The following ERG variants were observed in gnomAD, a reference collection of about 807,000 sequenced individuals.
ERG encodes the protein ETS transcription factor ERG.
In ERG, 9 loss-of-function variants were observed where a neutral mutation model predicts 55.3. The observed-to-expected ratio is 0.16, with a 90% CI of 0.10 to 0.28. The LOEUF is 0.28. ERG is among the 10% of genes least tolerant of loss of function. The probability of loss-of-function intolerance (pLI) is 1.00; values close to 1 mark genes in which losing one functional copy is unlikely to be tolerated. For synonymous variants in ERG, 223 were observed against 237.3 expected, an observed-to-expected ratio of 0.94 and a Z score of 0.55; for missense variants, 434 against 631.6, an observed-to-expected ratio of 0.69 and a Z score of 3.35.
intron 2 of ERG, among the ~76,000 whole-genome samples, chr21:38,554,539 G>A (rs1312035372): frequency 6.6e-6 from 1 of 152,134 alleles, no homozygotes; most frequent in Non-Finnish European, 1.5e-5. Context: ...AATGGAGCTG[G>A]AGGCCATTAT....
intron 1 of ERG, among the ~76,000 whole-genome samples, chr21:38,451,529 G>A (rs757794738): frequency 8.5e-5 from 13 of 152,114 alleles, no homozygotes; most frequent in African/African-American, 1.4e-4. Context: ...CACTTTGGGC[G>A]GCCTTTAGTG....
chr21:38,577,448 C>T (rs981926810), intron 1 of ERG, among the ~76,000 whole-genome samples: 1 of 152,078 alleles, frequency 6.6e-6, no homozygotes, highest in Non-Finnish European at 1.5e-5. Flanking sequence ...TACTTCCCCC[C>T]ACCCCCACCC....
intron 1 of ERG, among the ~76,000 whole-genome samples, chr21:38,623,082 C>A (rs1308489649): frequency 6.7e-6 from 1 of 148,892 alleles, no homozygotes; most frequent in Non-Finnish European, 1.5e-5. Flanking sequence ...CACATACACA[C>A]CACACACATT....
intron 1 of ERG, among the ~76,000 whole-genome samples, chr21:38,649,360 C>A (rs1378775960): frequency 6.6e-6 from 1 of 152,152 alleles, no homozygotes; most frequent in Non-Finnish European, 1.5e-5. Context: ...AAGGACCAAG[C>A]ACAGAGGCAC....
chr21:38,598,745 C>T (rs188391296), intron 1 of ERG, among the ~76,000 whole-genome samples: 165 of 152,306 alleles, frequency 1.1e-3, no homozygotes, highest in African/African-American at 2.7e-3. Context: ...CTCCCACAGT[C>T]GCAGAGGGGA....
intron 1 of ERG, among the ~76,000 whole-genome samples, chr21:38,459,903 C>G (rs908820319): frequency 1.3e-5 from 2 of 152,110 alleles, no homozygotes; most frequent in African/African-American, 4.8e-5. Context: ...ATTAATCAAC[C>G]AATAATTGAT....
intron 2 of ERG, among the ~76,000 whole-genome samples, chr21:38,515,174 A>G (rs182161369): frequency 1.3e-5 from 2 of 152,128 alleles, no homozygotes; most frequent in East Asian, 3.9e-4. Context: ...TTCAATGCAG[A>G]TGCATTCAAT....
Position 38,536,681 on chromosome 21 carries a change from G to A in ERG, c.-41+38981C>T, listed in dbSNP as rs185583532. ...TGAATGCATGAGCAAACAAGACAAT[G>A]GAAGTCTGTCATCAGTATTTACATT... is the stretch of plus-strand genomic sequence containing the variant. On this transcript the variant is annotated intron_variant, in intron 2 of 8. Coordinates refer to the ERG transcript ENST00000398897. Among the ~76,000 whole-genome samples, 13 of 152,278 alleles carry A rather than the reference G, an allele frequency of 8.5e-5. No individual in the cohort carries two copies. The East Asian group carries it at 2.5e-3, about 29-fold the overall frequency.
chr21:38,455,577 T>A (rs953796793), intron 1 of ERG, among the ~76,000 whole-genome samples: 3 of 152,136 alleles, frequency 2.0e-5, no homozygotes, highest in Admixed American at 6.5e-5. Flanking sequence ...GTGCTACGCA[T>A]CTGGAATGTG....
chr21:38,592,072 A>C lies in ERG; in HGVS notation c.-149-7127T>G, dbSNP rs2060103769. ...CAATGGTGGGGTCAGTTCTGGCAGGAAGGTGGGACCCCACTGTCTCAGAAG... is the reference window on the plus strand; with the variant it reads ...CAATGGTGGGGTCAGTTCTGGCAGGCAGGTGGGACCCCACTGTCTCAGAAG... On this transcript the variant is annotated intron_variant, in intron 1 of 10. Coordinates refer to the ERG transcript ENST00000398910. Among the ~76,000 whole-genome samples, 4 of 152,170 alleles carry C rather than the reference A, an allele frequency of 2.6e-5. 1 individual carries two copies. The South Asian group carries it at 8.3e-4, about 31-fold the overall frequency.
At chr21:38,419,703 GAC>G (rs1212053428) in intron 3 of ERG, among the ~76,000 whole-genome samples, 2 of 152,160 alleles carry the variant, frequency 1.3e-5, no homozygotes, top group African/African-American at 4.8e-5. Flanking sequence ...TATATCAAGT[GAC>G]AGTCTACATT....
intron 2 of ERG, 100 bp from the exon 3 acceptor site, chr21:38,423,661 G>A (rs992614596): frequency 3.8e-5 from 48 of 1,258,676 alleles, no homozygotes; most frequent in South Asian, 5.8e-5. Context: ...AGGGCAAGGC[G>A]GAAGAGACTG....
chr21:38,599,993 G>A (rs777607776), intron 1 of ERG, among the ~76,000 whole-genome samples: 2 of 152,234 alleles, frequency 1.3e-5, no homozygotes, highest in African/African-American at 2.4e-5. Flanking sequence ...GGCCAAGAGT[G>A]AGCAACAGCC....
At chr21:38,450,502 C>G (rs961991093) in intron 1 of ERG, among the ~76,000 whole-genome samples, 3 of 152,234 alleles carry the variant, frequency 2.0e-5, no homozygotes, top group Non-Finnish European at 4.4e-5. Flanking sequence ...CAATAGCCTA[C>G]TTTTTCTGTC....
intron 1 of ERG, among the ~76,000 whole-genome samples, chr21:38,644,098 G>A (rs1046417745): frequency 3.9e-5 from 6 of 152,166 alleles, no homozygotes; most frequent in African/African-American, 1.4e-4. Context: ...CCAGGTGGTA[G>A]CCTGGGACCT....
At chr21:38,570,284 C>A (rs1363507760) in intron 2 of ERG, among the ~76,000 whole-genome samples, 1 of 152,190 alleles carries the variant, frequency 6.6e-6, no homozygotes, top group Non-Finnish European at 1.5e-5. Context: ...CCAGCATGTG[C>A]CACACAGGCA....
intron 1 of ERG, among the ~76,000 whole-genome samples, chr21:38,603,290 AC>A (rs1054255132): frequency 3.1e-4 from 47 of 152,032 alleles, no homozygotes; most frequent in African/African-American, 1.1e-3. Flanking sequence ...CCATATTTGA[AC>A]ATGTTTTAGG....
At chr21:38,631,501 GAAATAACT>G (rs1297995616) in intron 1 of ERG, among the ~76,000 whole-genome samples, 2 of 152,166 alleles carry the variant, frequency 1.3e-5, no homozygotes, top group African/African-American at 4.8e-5. Context: ...CAGCAGAGAT[GAAATAACT>G]AACAGCCTGG....
chr21:38,389,007 G>A (rs1987841536), intron 9 of ERG, among the ~76,000 whole-genome samples: 1 of 152,230 alleles, frequency 6.6e-6, no homozygotes, highest in Non-Finnish European at 1.5e-5. Context: ...TGAGTGCAAA[G>A]GCCAGTTTGG....
Sources: allele counts gnomAD v4.1 joint callset (sites outside exome capture counted in the v4.1 genomes callset), GRCh38; gene constraint gnomAD v4.1.1; transcripts MANE v1.5; gene names NCBI Gene and HGNC (gene_info 2026-07-23, HGNC 2026-07-21).